GRIK2: variants seen among roughly 807,000 people sequenced by gnomAD.
GRIK2 encodes glutamate receptor ionotropic, kainate 2.
Under a neutral mutation model 100.3 loss-of-function variants are expected in GRIK2, and 32 were observed. The ratio of observed to expected loss-of-function variants is 0.32; its 90% CI spans 0.24 to 0.43. GRIK2 has a LOEUF of 0.43. Among genes scored for constraint, GRIK2 ranks in the 20% least tolerant of loss-of-function variants. The probability of loss-of-function intolerance (pLI) is 1.00; values close to 1 mark genes in which losing one functional copy is unlikely to be tolerated. For synonymous variants in GRIK2, 417 were observed against 389.4 expected (o/e 1.07, Z -0.83); for missense variants, 843 against 1,114.9 (o/e 0.76, Z 3.47).
chr6:101,866,435 A>G (rs76040693), intron 11 of GRIK2, among the ~76,000 whole-genome samples: 3,823 of 152,262 alleles, frequency 0.025, 174 homozygotes, highest in African/African-American at 0.086. Context: ...CCCCATAAAT[A>G]TGTGAAATAT....
At chr6:101,455,405 T>C (rs1371629477) in intron 2 of GRIK2, among the ~76,000 whole-genome samples, 6 of 152,070 alleles carry the variant, frequency 3.9e-5, no homozygotes, top group African/African-American at 1.4e-4. Flanking sequence ...CTAAGGATAT[T>C]GGGGTTGGGA....
intron 11 of GRIK2, among the ~76,000 whole-genome samples, chr6:101,876,017 G>A (rs1339538224): frequency 3.3e-5 from 5 of 151,600 alleles, no homozygotes; most frequent in Non-Finnish European, 7.4e-5. Context: ...GTTTGTGTGT[G>A]TGTGTGTGTG....
chr6:101,597,881 C>A (rs953940769), intron 2 of GRIK2, among the ~76,000 whole-genome samples: 6 of 151,578 alleles, frequency 4.0e-5, no homozygotes, highest in African/African-American at 1.2e-4. Context: ...CCTGCGGTGG[C>A]GCTGGTATTT....
intron 2 of GRIK2, among the ~76,000 whole-genome samples, chr6:101,509,922 A>G (rs914886941): frequency 6.6e-6 from 1 of 152,190 alleles, no homozygotes; most frequent in Non-Finnish European, 1.5e-5. Flanking sequence ...TTCAAAAAAG[A>G]ACCAAATATT....
At chr6:101,804,386 C>A (rs571986412) in intron 9 of GRIK2, among the ~76,000 whole-genome samples, 1 of 151,858 alleles carries the variant, frequency 6.6e-6, no homozygotes, top group Non-Finnish European at 1.5e-5. Context: ...GAAAGAATAG[C>A]CCTGAAGGCT....
rs1048105473 is a variant in GRIK2, at chr6:102,023,548, C to T, written c.2086-11793C>T. Among the ~76,000 whole-genome samples the T allele has an allele frequency of 1.2e-4, 18 of 151,354 alleles. 1 individual carries two copies. Among genetic ancestry groups the T allele is most frequent in the Admixed American group, 9.9e-4 (15 of 15,098 alleles). ...TTTCCATAAATGGTTTTATTTTTCTCTGTAAAGTAAAACCCAGGTCAACTA... is the reference window on the plus strand; with the variant it reads ...TTTCCATAAATGGTTTTATTTTTCTTTGTAAAGTAAAACCCAGGTCAACTA... On this transcript the variant is annotated intron_variant, in intron 14 of 16. Coordinates refer to ENST00000369134, the MANE Select transcript of GRIK2 (RefSeq NM_021956.5).
intron 2 of GRIK2, among the ~76,000 whole-genome samples, chr6:101,448,591 A>G (rs1386244466): frequency 6.6e-6 from 1 of 151,632 alleles, no homozygotes; most frequent in Non-Finnish European, 1.5e-5. Flanking sequence ...ATATTTAGTC[A>G]TATATATGGA....
intron 2 of GRIK2, among the ~76,000 whole-genome samples, chr6:101,534,962 T>A (rs1281975653): frequency 1.3e-5 from 2 of 151,798 alleles, no homozygotes; most frequent in Non-Finnish European, 2.9e-5. Context: ...TTTCATTTTT[T>A]CTGGGCAGAT....
At chr6:101,675,283 A>G (rs55912496) in intron 4 of GRIK2, among the ~76,000 whole-genome samples, 14,943 of 136,102 alleles carry the variant, frequency 0.11, 2,418 homozygotes, top group African/African-American at 0.36. Flanking sequence ...GCACACGCGC[A>G]CGCACACGCA....
Position 101,700,844 on chromosome 6 carries a change from G to A in GRIK2, c.951+14491G>A, listed in dbSNP as rs537537778. 3.3e-5 allele frequency among the ~76,000 whole-genome samples: 5 copies of A among 152,198 alleles called. No individual in the cohort carries two copies. In the South Asian group the frequency reaches 1.0e-3, roughly 32 times the overall value. On this transcript the variant is annotated intron_variant, in intron 7 of 16. Coordinates refer to ENST00000369134, the MANE Select transcript of GRIK2 (RefSeq NM_021956.5). ...ATTCAAGCCTGAGTTAATAAGGACT[G>A]GTATAGAGCCCAGGGGGCTCAAAGG...
intron 2 of GRIK2, among the ~76,000 whole-genome samples, chr6:101,486,392 G>GGC (rs149381188): frequency 3.3e-5 from 2 of 61,026 alleles, no homozygotes; most frequent in Non-Finnish European, 8.8e-5. Flanking sequence ...GGGGTGGGGC[G>GGC]GGGGGGGGAA....
intron 2 of GRIK2, among the ~76,000 whole-genome samples, chr6:101,416,611 A>G (rs904063628): frequency 6.6e-6 from 1 of 152,228 alleles, no homozygotes; most frequent in African/African-American, 2.4e-5. Context: ...CCACATAACA[A>G]TTAACATTTT....
chr6:101,683,797 A>G (rs1303532066), intron 6 of GRIK2, among the ~76,000 whole-genome samples: 1 of 152,172 alleles, frequency 6.6e-6, no homozygotes, highest in Non-Finnish European at 1.5e-5. Flanking sequence ...GTGTCCTCTG[A>G]ATTGACGTCT....
At chr6:101,682,113 TA>T (rs1377755491) in intron 5 of GRIK2, among the ~76,000 whole-genome samples, 1 of 152,234 alleles carries the variant, frequency 6.6e-6, no homozygotes, top group Non-Finnish European at 1.5e-5. Flanking sequence ...GAAATGTCTC[TA>T]AAGAGCTAAA....
intron 4 of GRIK2, among the ~76,000 whole-genome samples, chr6:101,639,357 T>C (rs991769054): frequency 5.3e-5 from 8 of 152,166 alleles, no homozygotes; most frequent in African/African-American, 1.9e-4. Flanking sequence ...TATAAGACAG[T>C]TATGTTGACC....
intron 7 of GRIK2, among the ~76,000 whole-genome samples, chr6:101,720,274 G>T (rs1774387892): frequency 6.6e-6 from 1 of 151,840 alleles, no homozygotes; most frequent in African/African-American, 2.4e-5. Flanking sequence ...CTGTGATTTG[G>T]ATATAAAATA....
chr6:101,959,480 T>C (rs1792149017), intron 14 of GRIK2, among the ~76,000 whole-genome samples: 1 of 152,162 alleles, frequency 6.6e-6, no homozygotes, highest in Non-Finnish European at 1.5e-5. Context: ...CCATTTTTCA[T>C]GGTTGATCTA....
In GRIK2 at chr6:101,921,923, AAGC is replaced by A. The variant is rs532651570; in HGVS notation, c.1749-2675_1749-2673del. On this transcript the variant is annotated intron_variant, in intron 12 of 16. Coordinates refer to ENST00000369134, the MANE Select transcript of GRIK2 (RefSeq NM_021956.5). The stretch of plus-strand genomic sequence containing the variant: ...TTGGATATCTTCAGTTTAAGAAAAA[AAGC>A]AGAGAATGTGAGGTAAAACATGTAC... 3.4e-3 allele frequency among the ~76,000 whole-genome samples: 516 copies of A among 152,246 alleles called. 2 individuals carry two copies. The highest frequency in any genetic ancestry group is 0.014 in the Middle Eastern group (4 of 294).
intron 7 of GRIK2, among the ~76,000 whole-genome samples, chr6:101,718,998 T>C (rs964091801): frequency 1.3e-5 from 2 of 151,956 alleles, no homozygotes; most frequent in African/African-American, 4.8e-5. Flanking sequence ...CATATATTTA[T>C]CTCAATATTT....
Sources: gnomAD v4.1 joint callset for allele counts (sites outside exome capture counted in the v4.1 genomes callset) on GRCh38, gnomAD v4.1.1 for gene constraint, MANE v1.5 for transcripts, NCBI Gene and HGNC (gene_info 2026-07-23, HGNC 2026-07-21) for gene names.